Variants in SORCS2 observed in about 807,000 individuals in gnomAD.
The protein encoded by SORCS2 is VPS10 domain-containing receptor SorCS2.
SORCS2 carries 100 observed loss-of-function variants against 141.6 expected under a neutral mutation model. The observed-to-expected ratio is 0.71, with a 90% CI of 0.60 to 0.83. The LOEUF (loss-of-function observed/expected upper bound fraction) is 0.83, where lower values mean the gene tolerates loss of function less well. Ranked by LOEUF, SORCS2 falls within the 40% of genes least tolerant of loss-of-function variation. SORCS2 has a pLI of 0.00. For missense variants in SORCS2, 1,646 were observed against 1,560.2 expected (o/e 1.05, Z -0.93); for synonymous variants, 789 against 676.9 (o/e 1.17, Z -2.57).
At chr4:7,407,550 C>T (rs1045083045) in intron 2 of SORCS2, among the ~76,000 whole-genome samples, 6 of 152,138 alleles carry the variant, frequency 3.9e-5, no homozygotes, top group East Asian at 3.9e-4. Flanking sequence ...TCCAGCCCAT[C>T]ACTTTCAGTC....
chr4:7,349,377 C>T lies in SORCS2; in HGVS notation c.481-46911C>T, dbSNP rs374880378. On this transcript the variant is annotated intron_variant, in intron 1 of 26. Transcript: ENST00000507866. Reference sequence around the variant, plus strand: ...CTGAGTCAAGGTGTGGGGTCTTCTGCGGGCTGCCACTGGCCCCGTGCCGCT... The same window carrying T: ...CTGAGTCAAGGTGTGGGGTCTTCTGTGGGCTGCCACTGGCCCCGTGCCGCT... Among the ~76,000 whole-genome samples the T allele has an allele frequency of 7.0e-4, 106 of 152,236 alleles. 1 individual carries two copies. The highest frequency in any genetic ancestry group is 2.2e-3 in the African/African-American group (93 of 41,544).
chr4:7,740,136 C>T (rs1712541758), intron 26 of SORCS2, 64 bp from the exon 27 acceptor site: 1 of 1,429,360 alleles, frequency 7.0e-7, no homozygotes, highest in South Asian at 1.2e-5. Context: ...GACCGTGTCC[C>T]CTGTGGCCCT....
intron 1 of SORCS2, among the ~76,000 whole-genome samples, chr4:7,366,947 G>A (rs1279025423): frequency 2.0e-5 from 3 of 152,222 alleles, no homozygotes; most frequent in Admixed American, 2.0e-4. Flanking sequence ...TGAGAGGCCA[G>A]GTCGGAAGGA....
In SORCS2 at chr4:7,321,818, G is replaced by A. The variant is rs1054086854; in HGVS notation, c.481-74470G>A. 1.4e-4 allele frequency among the ~76,000 whole-genome samples: 22 copies of A among 152,210 alleles called. 1 individual carries two copies. Among genetic ancestry groups the A allele is most frequent in the Admixed American group, 1.3e-3 (20 of 15,290 alleles). On this transcript the variant is annotated intron_variant, in intron 1 of 26. Coordinates refer to ENST00000507866, the MANE Select transcript of SORCS2 (RefSeq NM_020777.3). ...TGTGCTTTGTGGATTCAAGTGCCCC[G>A]TGAGGGGGCATGGAATGAGCCAGGG...
Position 7,663,555 on chromosome 4 carries a change from T to A in SORCS2, c.953-798T>A, listed in dbSNP as rs1481284356. 1.3e-5 allele frequency among the ~76,000 whole-genome samples: 2 copies of A among 152,250 alleles called. No individual in the cohort carries two copies. The highest frequency in any genetic ancestry group is 4.8e-5 in the African/African-American group (2 of 41,468). ...CTGCCCACGTACCCTCTGTGTACAC[T>A]GCCTTCTGCCTCCTCTGAACAGACC... is the stretch of plus-strand genomic sequence containing the variant. On this transcript the variant is annotated intron_variant, in intron 6 of 26. Coordinates refer to ENST00000507866, the MANE Select transcript of SORCS2 (RefSeq NM_020777.3). The surrounding 1 kb of genome is among the most constrained non-coding windows in gnomAD (Gnocchi z 4.8).
intron 2 of SORCS2, among the ~76,000 whole-genome samples, chr4:7,476,821 C>G (rs1021382403): frequency 2.0e-5 from 3 of 152,180 alleles, no homozygotes; most frequent in African/African-American, 7.2e-5. Flanking sequence ...ATTTGACATC[C>G]TATCCCACCA....
intron 2 of SORCS2, among the ~76,000 whole-genome samples, chr4:7,490,663 C>T (rs1300457930): frequency 1.3e-5 from 2 of 152,280 alleles, no homozygotes; most frequent in South Asian, 2.1e-4. Context: ...TTCCATGCAC[C>T]GTCCGTCCTG....
chr4:7,358,994 A>G (rs534168240), intron 1 of SORCS2, among the ~76,000 whole-genome samples: 3 of 152,320 alleles, frequency 2.0e-5, no homozygotes, highest in Non-Finnish European at 4.4e-5. Context: ...GCATACCACA[A>G]CACTCGGCTA....
rs546445416 is a variant in SORCS2 at position 7,704,365 on chromosome 4, C to T, written c.1868+81C>T. ...CTCCCTGGGCCTACTGTGTCCTTCA[C>T]CCCCCAGCCACCTGGGAATCAGGGA... On this transcript the variant is annotated intron_variant, in intron 14 of 26. Coordinates refer to ENST00000507866, the MANE Select transcript of SORCS2 (RefSeq NM_020777.3). 7.3e-5 allele frequency: 90 copies of T among 1,239,376 alleles called. No individual in the cohort carries two copies. The East Asian group carries it at 9.2e-4, about 13-fold the overall frequency. 76.8% of individuals were successfully genotyped at this position (1,239,376 alleles called of 1,614,324 possible).
chr4:7,452,343 C>T (rs567818676), intron 2 of SORCS2, among the ~76,000 whole-genome samples: 185 of 152,216 alleles, frequency 1.2e-3, no homozygotes, highest in Non-Finnish European at 1.9e-3. Context: ...AGTTTCACCA[C>T]ATTGGCCAGG....
intron 17 of SORCS2, among the ~76,000 whole-genome samples, chr4:7,715,836 C>T (rs988815024): frequency 8.5e-5 from 13 of 152,302 alleles, no homozygotes; most frequent in Admixed American, 7.8e-4. Context: ...GGAAGCCTTC[C>T]CTGACCACCC....
chr4:7,287,595 C>T (rs1167470664), intron 1 of SORCS2, among the ~76,000 whole-genome samples: 3 of 152,222 alleles, frequency 2.0e-5, no homozygotes, highest in South Asian at 4.1e-4. Context: ...GTGCCGCCCT[C>T]GGGAGAGAAA....
intron 2 of SORCS2, among the ~76,000 whole-genome samples, chr4:7,528,531 T>C (rs184005816): frequency 1.3e-5 from 2 of 152,146 alleles, no homozygotes; most frequent in African/African-American, 4.8e-5. Context: ...GTTCAAGAGA[T>C]TCTCGTGCCT....
At chr4:7,457,531 AGCGT>A (rs1395487990) in intron 2 of SORCS2, among the ~76,000 whole-genome samples, 2 of 151,698 alleles carry the variant, frequency 1.3e-5, no homozygotes, top group Admixed American at 6.6e-5. Context: ...CACACCAGGG[AGCGT>A]GCCCCAGTGA....
At chr4:7,627,917 C>T (rs575919698) in intron 3 of SORCS2, among the ~76,000 whole-genome samples, 9 of 152,348 alleles carry the variant, frequency 5.9e-5, no homozygotes, top group South Asian at 2.1e-4. Context: ...AGGTCAGGCA[C>T]GCAGGAACCT....
intron 18 of SORCS2, among the ~76,000 whole-genome samples, chr4:7,722,513 C>A (rs1484945610): frequency 1.3e-5 from 2 of 152,244 alleles, no homozygotes; most frequent in African/African-American, 4.8e-5. Flanking sequence ...CCTCCAGCTT[C>A]CAGGGCTCCC....
At chr4:7,630,771 C>T (rs764168180) in intron 3 of SORCS2, among the ~76,000 whole-genome samples, 42 of 152,168 alleles carry the variant, frequency 2.8e-4, no homozygotes, top group Non-Finnish European at 5.3e-4. Context: ...TGTTCGCCTC[C>T]GCTGTTTGCC....
chr4:7,573,855 G>GAAT (rs35523476), intron 3 of SORCS2, among the ~76,000 whole-genome samples: 42,951 of 151,984 alleles, frequency 0.28, 7,421 homozygotes, highest in East Asian at 0.72. Flanking sequence ...CATGCAGGGT[G>GAAT]AATTTCAAGT....
At chr4:7,667,579 G>A (rs1418969709) in intron 8 of SORCS2, among the ~76,000 whole-genome samples, 1 of 152,156 alleles carries the variant, frequency 6.6e-6, no homozygotes, top group Non-Finnish European at 1.5e-5. Context: ...CCTTGCTGGT[G>A]CCCAGGGTGC....
Sources: gnomAD v4.1 joint callset for allele counts (sites outside exome capture counted in the v4.1 genomes callset) on GRCh38, gnomAD v4.1.1 for gene constraint, Gnocchi (gnomAD v3.1) non-coding constraint, MANE v1.5 for transcripts, NCBI Gene and HGNC (gene_info 2026-07-23, HGNC 2026-07-21) for gene names.